The following SNX29 variants were observed in gnomAD, a reference collection of about 807,000 sequenced individuals.
SNX29 encodes the protein sorting nexin 29.
SNX29 carries 78 observed loss-of-function variants against 102.1 expected under a neutral mutation model. The ratio of observed to expected loss-of-function variants is 0.76; its 90% confidence interval spans 0.64 to 0.92. The LOEUF (loss-of-function observed/expected upper bound fraction) is 0.92, where lower values mean the gene tolerates loss of function less well. Ranked by LOEUF, SNX29 falls within the 40% of genes least tolerant of loss-of-function variation. The probability of loss-of-function intolerance (pLI) is 0.00; values close to 1 mark genes in which losing one functional copy is unlikely to be tolerated. For synonymous variants in SNX29, 580 were observed against 414.5 expected, an observed-to-expected ratio of 1.40 and a Z score of -4.85; for missense variants, 1,280 against 1,061.7, an observed-to-expected ratio of 1.21 and a Z score of -2.86.
chr16:12,403,382 T>C, intron 17 of SNX29, 66 bp from the exon 18 acceptor site: 1 of 1,484,944 alleles, frequency 6.7e-7, no homozygotes. Flanking sequence ...TTTCCTCTTT[T>C]TTATTTTTTA....
At chr16:12,322,332 G>C (rs569548810) in intron 15 of SNX29, among the ~76,000 whole-genome samples, 11 of 152,112 alleles carry the variant, frequency 7.2e-5, no homozygotes, top group African/African-American at 2.4e-4. Flanking sequence ...AGGGGCTATC[G>C]CAAGAGAGGG....
At chr16:12,562,408 C>A (rs148559772) in intron 20 of SNX29, among the ~76,000 whole-genome samples, 2 of 152,150 alleles carry the variant, frequency 1.3e-5, no homozygotes, top group Non-Finnish European at 2.9e-5. Context: ...ACATACCATA[C>A]AATTTACCCA....
At chr16:12,104,023 C>T (rs538649665) in intron 11 of SNX29, among the ~76,000 whole-genome samples, 3 of 152,282 alleles carry the variant, frequency 2.0e-5, no homozygotes, top group African/African-American at 7.2e-5. Context: ...GACCTATACT[C>T]GATTCAGTTT....
chr16:12,415,236 G>A (rs2084579735), intron 18 of SNX29, among the ~76,000 whole-genome samples: 1 of 152,252 alleles, frequency 6.6e-6, no homozygotes, highest in East Asian at 1.9e-4. Flanking sequence ...TTTCTGCAAG[G>A]TATAAGCGCT....
chr16:11,979,978 A>C (rs1459076314), intron 1 of SNX29, among the ~76,000 whole-genome samples: 1 of 152,188 alleles, frequency 6.6e-6, no homozygotes, highest in East Asian at 1.9e-4. Context: ...TTAAAAACTC[A>C]GAATCTAAGT....
rs1439858189 is a variant in SNX29 at position 12,571,165 on chromosome 16, C to G, written c.*2536C>G. On this transcript the variant is annotated 3_prime_UTR_variant, in exon 21 of 21. Coordinates refer to ENST00000566228, the MANE Select transcript of SNX29 (RefSeq NM_032167.5). The stretch of plus-strand genomic sequence containing the variant: ...TCTTGCTGCTCAGAAGAATCCCGTC[C>G]TGCTCTCTAGTGTGGTGGGATGAAC... 4.3e-6 allele frequency: 1 copy of G among 232,602 alleles called. No individual in the cohort carries two copies. The highest frequency in any genetic ancestry group is 8.5e-6 in the Non-Finnish European group (1 of 117,690). 14.4% of individuals were successfully genotyped at this position (232,602 alleles called of 1,614,324 possible). A position where few individuals can be genotyped will look rare whatever the true frequency, so the allele number is the denominator to read the frequency against.
At chr16:12,037,140 G>T (rs562232866) in intron 4 of SNX29, among the ~76,000 whole-genome samples, 1 of 152,230 alleles carries the variant, frequency 6.6e-6, no homozygotes, top group Non-Finnish European at 1.5e-5. Flanking sequence ...CTCCTTACGG[G>T]TCATATTATA....
intron 16 of SNX29, among the ~76,000 whole-genome samples, chr16:12,377,605 T>C (rs2082924095): frequency 1.3e-5 from 2 of 152,224 alleles, no homozygotes; most frequent in African/African-American, 4.8e-5. Context: ...AGGCAGGTAA[T>C]AGATGCAGAG....
chr16:12,308,656 A>G (rs2080428071), intron 15 of SNX29, among the ~76,000 whole-genome samples: 1 of 152,230 alleles, frequency 6.6e-6, no homozygotes. Flanking sequence ...CTAAGGTATA[A>G]GGCAGACTCT....
chr16:12,217,830 AG>A (rs1358036189), intron 14 of SNX29, among the ~76,000 whole-genome samples: 2 of 152,250 alleles, frequency 1.3e-5, no homozygotes, highest in Non-Finnish European at 2.9e-5. Flanking sequence ...GGCATAACTC[AG>A]CCTCATCCTC....
At chr16:12,281,269 C>A (rs1307434239) in intron 15 of SNX29, among the ~76,000 whole-genome samples, 1 of 152,080 alleles carries the variant, frequency 6.6e-6, no homozygotes, top group African/African-American at 2.4e-5. Context: ...GTGATTCATC[C>A]CAGTGCGAAG....
chr16:12,341,701 G>A lies in SNX29; in HGVS notation c.1783-14462G>A, dbSNP rs987432847. On this transcript the variant is annotated intron_variant, in intron 15 of 20. Coordinates refer to ENST00000566228, the MANE Select transcript of SNX29 (RefSeq NM_032167.5). ...GGGAAGGGATGGTGCAGGGTCACAC[G>A]CCAGCAGTCCTATGCTATGACTCAG... Among the ~76,000 whole-genome samples the A allele has an allele frequency of 3.3e-5, 5 of 152,194 alleles. No homozygotes were observed. In the East Asian group the frequency reaches 5.8e-4, roughly 18 times the overall value.
At chr16:12,285,086 T>C (rs950840572) in intron 15 of SNX29, among the ~76,000 whole-genome samples, 9 of 152,238 alleles carry the variant, frequency 5.9e-5, no homozygotes, top group Admixed American at 2.6e-4. Context: ...TAGTGAATTC[T>C]ATTTTAGCTT....
chr16:12,032,482 A>G (rs2057372315), intron 4 of SNX29, among the ~76,000 whole-genome samples: 1 of 152,112 alleles, frequency 6.6e-6, no homozygotes, highest in Non-Finnish European at 1.5e-5. Flanking sequence ...CTGTGATTAC[A>G]GGCATGAGCA....
At chr16:12,341,793 C>T (rs1596994184) in intron 15 of SNX29, among the ~76,000 whole-genome samples, 1 of 152,276 alleles carries the variant, frequency 6.6e-6, no homozygotes, top group Admixed American at 6.5e-5. Context: ...CCCTGTTGTG[C>T]AGAGGGGGCT....
At chr16:12,558,309 C>G (rs750471175) in intron 20 of SNX29, among the ~76,000 whole-genome samples, 2 of 152,056 alleles carry the variant, frequency 1.3e-5, no homozygotes, top group Non-Finnish European at 2.9e-5. Context: ...GGCCCCTGGT[C>G]ACCTCAAGTG....
chr16:12,529,579 A>T (rs929600765), intron 20 of SNX29, among the ~76,000 whole-genome samples: 4 of 152,242 alleles, frequency 2.6e-5, no homozygotes, highest in African/African-American at 9.6e-5. Context: ...GAGGAGAGAG[A>T]AAGTTAGGGG....
intron 18 of SNX29, among the ~76,000 whole-genome samples, chr16:12,445,367 G>A (rs570284260): frequency 2.6e-5 from 4 of 152,250 alleles, no homozygotes; most frequent in African/African-American, 9.6e-5. Flanking sequence ...CAGGGCTCCT[G>A]TATGCTGAGC....
At chr16:12,288,165 A>G (rs2079661159) in intron 15 of SNX29, among the ~76,000 whole-genome samples, 1 of 152,212 alleles carries the variant, frequency 6.6e-6, no homozygotes, top group South Asian at 2.1e-4. Flanking sequence ...ACTTGACTCC[A>G]GAGGCGGGAC....
Sources: allele counts gnomAD v4.1 joint callset (sites outside exome capture counted in the v4.1 genomes callset), GRCh38; gene constraint gnomAD v4.1.1; transcripts MANE v1.5; gene names NCBI Gene and HGNC (gene_info 2026-07-23, HGNC 2026-07-21).